THSD7B: variants seen among roughly 807,000 people sequenced by gnomAD.
THSD7B encodes the protein thrombospondin type-1 domain-containing protein 7B.
In THSD7B, 138 loss-of-function variants were observed where a neutral mutation model predicts 213.6. The observed-to-expected ratio is 0.65, with a 90% CI of 0.56 to 0.74. THSD7B has a LOEUF of 0.74. Among genes scored for constraint, THSD7B ranks in the 30% least tolerant of loss-of-function variants. The pLI, the probability that THSD7B is intolerant of heterozygous loss-of-function variation, is 0.00. For missense variants in THSD7B, 1,931 were observed against 1,991.5 expected, an observed-to-expected ratio of 0.97 and a Z score of 0.58; for synonymous variants, 742 against 687.0, an observed-to-expected ratio of 1.08 and a Z score of -1.25.
At chr2:137,275,370 A>C (rs1682845902) in intron 11 of THSD7B, among the ~76,000 whole-genome samples, 1 of 152,012 alleles carries the variant, frequency 6.6e-6, no homozygotes, top group Admixed American at 6.6e-5. Flanking sequence ...ACCTTATAAA[A>C]ATTTGAAGCA....
At chr2:136,867,860 T>C (rs1683368857) in intron 1 of THSD7B, among the ~76,000 whole-genome samples, 1 of 152,222 alleles carries the variant, frequency 6.6e-6, no homozygotes, top group Admixed American at 6.5e-5. Context: ...GCCACTTTAT[T>C]ATTTAGAAAG....
chr2:137,127,909 C>A (rs1573839878), intron 5 of THSD7B, among the ~76,000 whole-genome samples: 2 of 151,014 alleles, frequency 1.3e-5, no homozygotes, highest in East Asian at 2.0e-4. Flanking sequence ...CAGAGTGAGA[C>A]CCTGCCACAA....
At chr2:137,349,575 G>C (rs1289642099) in intron 12 of THSD7B, among the ~76,000 whole-genome samples, 2 of 151,842 alleles carry the variant, frequency 1.3e-5, no homozygotes, top group Admixed American at 6.6e-5. Context: ...GGGCAAAGCT[G>C]TCTGACTCAC....
intron 1 of THSD7B, among the ~76,000 whole-genome samples, chr2:136,856,684 T>G (rs1248065643): frequency 6.6e-6 from 1 of 152,008 alleles, no homozygotes; most frequent in Non-Finnish European, 1.5e-5. Context: ...CTGGCTAACT[T>G]TTGTATATTT....
chr2:137,006,382 G>A (rs1032255070), intron 2 of THSD7B, among the ~76,000 whole-genome samples: 5 of 151,852 alleles, frequency 3.3e-5, no homozygotes, highest in African/African-American at 1.2e-4. Flanking sequence ...GTGACAGAGT[G>A]AGACTCCGTC....
At chr2:137,400,579 G>A (rs976889441) in intron 12 of THSD7B, among the ~76,000 whole-genome samples, 1 of 152,162 alleles carries the variant, frequency 6.6e-6, no homozygotes, top group Admixed American at 6.5e-5. Context: ...GACCTCTTGG[G>A]CAGCTGGGGT....
intron 7 of THSD7B, among the ~76,000 whole-genome samples, chr2:137,226,903 A>G (rs564445076): frequency 1.3e-5 from 2 of 152,376 alleles, no homozygotes; most frequent in South Asian, 2.1e-4. Flanking sequence ...TTGTTCATTC[A>G]TAAAATGGAA....
chr2:137,368,987 T>C (rs75982241), intron 12 of THSD7B, among the ~76,000 whole-genome samples: 5,993 of 152,048 alleles, frequency 0.039, 416 homozygotes, highest in African/African-American at 0.14. Context: ...CTAGGAGAAT[T>C]GAATGTTAGT....
intron 1 of THSD7B, among the ~76,000 whole-genome samples, chr2:136,834,041 A>T (rs1454614335): frequency 6.6e-6 from 1 of 152,186 alleles, no homozygotes; most frequent in South Asian, 2.1e-4. Flanking sequence ...TGTTCCCGTG[A>T]CTAATATGTA....
intron 1 of THSD7B, among the ~76,000 whole-genome samples, chr2:136,777,780 A>G (rs1370205186): frequency 1.3e-5 from 2 of 152,210 alleles, no homozygotes; most frequent in Non-Finnish European, 2.9e-5. Flanking sequence ...TAGGTTTTGG[A>G]AACAGAGAAA....
At position 137,171,163 on chromosome 2, in the gene THSD7B, G is replaced by A. The variant is rs949249949; in HGVS notation, c.1723+225G>A. On this transcript the variant is annotated intron_variant, in intron 7 of 27. Transcript: ENST00000409968. Reference sequence around the variant, plus strand: ...GAACACTATTTGATTGTACTTAAATGCAATACAGCAAACCTAGAGATTTCT... The same window carrying A: ...GAACACTATTTGATTGTACTTAAATACAATACAGCAAACCTAGAGATTTCT... Among the ~76,000 whole-genome samples the A allele has an allele frequency of 4.6e-5, 7 of 152,110 alleles. No homozygotes were observed. In the South Asian group the frequency reaches 6.2e-4, roughly 14 times the overall value.
chr2:137,152,152 A>T (rs1188370362), intron 5 of THSD7B, among the ~76,000 whole-genome samples: 1 of 152,036 alleles, frequency 6.6e-6, no homozygotes, highest in Non-Finnish European at 1.5e-5. Context: ...AACACATTTC[A>T]TCCCCTCTCT....
intron 4 of THSD7B, among the ~76,000 whole-genome samples, chr2:137,100,229 T>C (rs1455033007): frequency 1.3e-5 from 2 of 152,166 alleles, no homozygotes; most frequent in African/African-American, 4.8e-5. Context: ...TCACCTCCTT[T>C]GCCTTTTGAA....
chr2:137,316,214 C>T (rs1371363800), intron 12 of THSD7B, among the ~76,000 whole-genome samples: 1 of 152,154 alleles, frequency 6.6e-6, no homozygotes, highest in Non-Finnish European at 1.5e-5. Context: ...GAAAAAAATA[C>T]CACAACCGAT....
intron 1 of THSD7B, among the ~76,000 whole-genome samples, chr2:136,803,695 A>C (rs926310291): frequency 1.3e-5 from 2 of 152,226 alleles, no homozygotes; most frequent in African/African-American, 2.4e-5. Context: ...TATGGAGCTG[A>C]GAAGTCTGAC....
chr2:137,360,121 G>A (rs1462159464), intron 12 of THSD7B, among the ~76,000 whole-genome samples: 1 of 152,140 alleles, frequency 6.6e-6, no homozygotes, highest in East Asian at 1.9e-4. Flanking sequence ...TTTAATGAAT[G>A]TAACAGGGTC....
chr2:137,474,869 C>A (rs1174985347), intron 15 of THSD7B, among the ~76,000 whole-genome samples: 1 of 152,108 alleles, frequency 6.6e-6, no homozygotes, highest in East Asian at 1.9e-4. Context: ...ATATACTAAT[C>A]CTTGATCAAT....
chr2:136,953,002 G>A (rs931343169), intron 2 of THSD7B, among the ~76,000 whole-genome samples: 1 of 152,136 alleles, frequency 6.6e-6, no homozygotes, highest in African/African-American at 2.4e-5. Flanking sequence ...TATAATCCAT[G>A]TGATAATTTC....
intron 15 of THSD7B, among the ~76,000 whole-genome samples, chr2:137,455,915 T>A (rs1687753562): frequency 6.6e-6 from 1 of 152,212 alleles, no homozygotes; most frequent in Non-Finnish European, 1.5e-5. Flanking sequence ...ACATTTCCCT[T>A]TATGAGTTCT....
Sources: allele counts gnomAD v4.1 joint callset (sites outside exome capture counted in the v4.1 genomes callset), GRCh38; gene constraint gnomAD v4.1.1; transcripts MANE v1.5; gene names NCBI Gene and HGNC (gene_info 2026-07-23, HGNC 2026-07-21).